Variants in COX19 observed in about 807,000 individuals in gnomAD.
COX19 encodes the protein cytochrome c oxidase assembly protein COX19.
In COX19, 8 loss-of-function variants were observed where a neutral mutation model predicts 6.8. The observed-to-expected ratio is 1.18, with a 90% CI of 0.69 to 2.12. COX19 has a LOEUF of 2.12. Ranked by LOEUF, COX19 falls within the 30% of genes most tolerant of loss-of-function variation. The pLI, the probability that COX19 is intolerant of heterozygous loss-of-function variation, is 0.00. For synonymous variants in COX19, 51 were observed against 38.0 expected (o/e 1.34, Z -1.26); for missense variants, 131 against 104.6 (o/e 1.25, Z -1.10).
At chr7:974,412 AGAGT>A (rs1245370811) in intron 1 of COX19, among the ~76,000 whole-genome samples, 1 of 152,202 alleles carries the variant, frequency 6.6e-6, no homozygotes, top group Non-Finnish European at 1.5e-5. Flanking sequence ...CCTAAGCAAC[AGAGT>A]GAGACCGTGT....
Position 965,015 on chromosome 7 carries a change from C to T in COX19, c.*4363G>A, listed in dbSNP as rs1583200355. 6.6e-6 allele frequency among the ~76,000 whole-genome samples: 1 copy of T among 152,206 alleles called. No homozygotes were observed. The highest frequency in any genetic ancestry group is 2.4e-5 in the African/African-American group (1 of 41,452). On this transcript the variant is annotated 3_prime_UTR_variant, in exon 3 of 3. Coordinates refer to ENST00000344111, the MANE Select transcript of COX19 (RefSeq NM_001031617.3). ...TCTGGATTCTTAAGCACAACACATT[C>T]AGCAGCCAGACCCAGAAACTCAAAG... is the stretch of plus-strand genomic sequence containing the variant.
chr7:967,840 T>C lies in COX19; in HGVS notation c.*1538A>G, dbSNP rs959691557. 2 of 152,308 alleles carry C rather than the reference T, an allele frequency of 1.3e-5. No individual in the cohort carries two copies. Among genetic ancestry groups the C allele is most frequent in the Non-Finnish European group, 2.9e-5 (2 of 68,046 alleles). The allele number at this position is 152,308 out of a possible 1,614,324, so 9.4% of individuals were successfully genotyped here. On this transcript the variant is annotated 3_prime_UTR_variant, in exon 3 of 3. Transcript: ENST00000344111. ...CACTTCACAGTAAGCTCACGCCATA[T>C]AGCCGCACTGCGTTGGCGAGCTCAT...
At position 966,242 on chromosome 7, in the gene COX19, A is replaced by C. The variant is rs766489603; in HGVS notation, c.*3136T>G. ...ACAATCACAGCTCACTGCAGACTTA[A>C]CCTCTGGCTCAAGTGATCCTCCTGC... On this transcript the variant is annotated 3_prime_UTR_variant, in exon 3 of 3. Transcript: ENST00000344111. The C allele has an allele frequency of 2.7e-5, 4 of 150,636 alleles. No individual in the cohort carries two copies. The East Asian group carries it at 7.8e-4, about 29-fold the overall frequency. 9.3% of individuals were successfully genotyped at this position (150,636 alleles called of 1,614,324 possible).
intron 2 of COX19, among the ~76,000 whole-genome samples, chr7:971,835 C>A (rs947666807): frequency 6.6e-6 from 1 of 152,122 alleles, no homozygotes; most frequent in South Asian, 2.1e-4. Flanking sequence ...CATGCCACTG[C>A]GCTCCAGCCC....
At chr7:974,041 A>G (rs1197519101) in intron 1 of COX19, among the ~76,000 whole-genome samples, 1 of 151,456 alleles carries the variant, frequency 6.6e-6, no homozygotes, top group Non-Finnish European at 1.5e-5. Flanking sequence ...TAAAAAAACA[A>G]TAATAATTAG....
chr7:971,278 C>A (rs1472476963), intron 2 of COX19, among the ~76,000 whole-genome samples: 2 of 152,218 alleles, frequency 1.3e-5, no homozygotes, highest in Admixed American at 1.3e-4. Flanking sequence ...TCACATCAGG[C>A]AAACATGGTC....
rs376042053 is a variant in COX19 at position 965,656 on chromosome 7, GT to G, written c.*3721del. Among the ~76,000 whole-genome samples the G allele has an allele frequency of 6.6e-5, 10 of 151,664 alleles. No individual in the cohort carries two copies. Among genetic ancestry groups the G allele is most frequent in the Admixed American group, 3.9e-4 (6 of 15,208 alleles). ...ACCACTCACTTCATGGCAACTGAGG[GT>G]TTTTTTTTGAGACGGTTCTGTCGCC... On this transcript the variant is annotated 3_prime_UTR_variant, in exon 3 of 3. Coordinates refer to ENST00000344111, the MANE Select transcript of COX19 (RefSeq NM_001031617.3).
intron 2 of COX19, among the ~76,000 whole-genome samples, chr7:971,198 C>G (rs1334971463): frequency 6.6e-6 from 1 of 152,208 alleles, no homozygotes. Flanking sequence ...GGACAGGACG[C>G]GAACTTCTAA....
At position 964,928 on chromosome 7, in the gene COX19, CAT is replaced by C. The variant is rs1390191425; in HGVS notation, c.*4448_*4449del. Among the ~76,000 whole-genome samples the C allele has an allele frequency of 1.3e-5, 2 of 152,246 alleles. No individual in the cohort carries two copies. The highest frequency in any genetic ancestry group is 1.9e-4 in the East Asian group (1 of 5,200). Reference sequence around the variant, plus strand: ...TATGAGAAATAAAATGCATTCTGCACATGACAGATGATGAACTACCCGAAATA... The same window carrying C: ...TATGAGAAATAAAATGCATTCTGCACGACAGATGATGAACTACCCGAAATA... On this transcript the variant is annotated 3_prime_UTR_variant, in exon 3 of 3. Coordinates refer to ENST00000344111, the MANE Select transcript of COX19 (RefSeq NM_001031617.3).
intron 2 of COX19, among the ~76,000 whole-genome samples, chr7:972,265 G>A (rs1326260849): frequency 2.6e-5 from 4 of 152,298 alleles, no homozygotes; most frequent in East Asian, 3.9e-4. Flanking sequence ...GAGCCTAAGC[G>A]ACAGCCCCAA....
chr7:970,430 G>A (rs1278121031), intron 2 of COX19, among the ~76,000 whole-genome samples: 5 of 148,654 alleles, frequency 3.4e-5, no homozygotes, highest in Non-Finnish European at 3.0e-5. Flanking sequence ...CACACTGCCC[G>A]GCCAGCTAAT....
At position 965,788 on chromosome 7, in the gene COX19, G is replaced by A. The variant is rs541541751; in HGVS notation, c.*3590C>T. Among the ~76,000 whole-genome samples, 3 of 152,234 alleles carry A rather than the reference G, an allele frequency of 2.0e-5. No individual in the cohort carries two copies. In the East Asian group the frequency reaches 5.8e-4, roughly 29 times the overall value. On this transcript the variant is annotated 3_prime_UTR_variant, in exon 3 of 3. Coordinates refer to ENST00000344111, the MANE Select transcript of COX19 (RefSeq NM_001031617.3). ...CCGAATAGCTGGATTACAGACACAC[G>A]CCACCAGCCCCAGCTAATTTTTGTA...
intron 1 of COX19, among the ~76,000 whole-genome samples, chr7:973,799 C>T (rs1847666970): frequency 6.6e-6 from 1 of 152,016 alleles, no homozygotes; most frequent in Non-Finnish European, 1.5e-5. Context: ...AACCCCATCT[C>T]TATTAAAAAT....
At chr7:974,831 T>C (rs1847682717) in intron 1 of COX19, 1 of 152,262 alleles carries the variant, frequency 6.6e-6, no homozygotes, top group African/African-American at 2.4e-5. Context: ...CTAATTTTTG[T>C]ATTTTTAGTA....
chr7:974,348 GA>G (rs1847674927), intron 1 of COX19, among the ~76,000 whole-genome samples: 1 of 151,334 alleles, frequency 6.6e-6, no homozygotes. Flanking sequence ...CCTGAGTCCA[GA>G]AAGGAAGGAG....
At position 969,237 on chromosome 7, in the gene COX19, C is replaced by T. The variant is rs947353077; in HGVS notation, c.*141G>A. 2.9e-5 allele frequency: 19 copies of T among 662,174 alleles called. No individual in the cohort carries two copies. Among genetic ancestry groups the T allele is most frequent in the East Asian group, 5.1e-5 (2 of 38,850 alleles). 41.0% of individuals were successfully genotyped at this position (662,174 alleles called of 1,614,324 possible). A position where few individuals can be genotyped will look rare whatever the true frequency, so the allele number is the denominator to read the frequency against. On this transcript the variant is annotated 3_prime_UTR_variant, in exon 3 of 3. Coordinates refer to ENST00000344111, the MANE Select transcript of COX19 (RefSeq NM_001031617.3). ...GGGACGCCACTCCCTACCCAGGAGA[C>T]GCCCCCACAGGGCTGGAGCTTCTAT...
In COX19 at chr7:975,472, T is replaced by A. The variant is rs1847693108; in HGVS notation, c.38A>T (p.Gln13Leu). The change falls in exon 1 of 3, where the codon CAG becomes CTG. Residue 13 changes from glutamine (Q) to leucine (L), a missense_variant. Transcript: ENST00000344111. ...TAMNFGTKSF[Q>L]PRPPDKGSFP... ...GCTGCCCTTGTCCGGGGGCCGCGGC[T>A]GGAAGCTCTTGGTCCCGAAATTCAT... The A allele has an allele frequency of 3.1e-6, 5 of 1,602,616 alleles. No individual in the cohort carries two copies. The South Asian group carries it at 4.5e-5, about 14-fold the overall frequency.
Position 969,327 on chromosome 7 carries a change from C to A in COX19, c.*51G>T. 1 of 1,168,838 alleles carries A rather than the reference C, an allele frequency of 8.6e-7. No homozygotes were observed. The highest frequency in any genetic ancestry group is 2.3e-5 in the East Asian group (1 of 42,876). The allele number at this position is 1,168,838 out of a possible 1,614,324, so 72.4% of individuals were successfully genotyped here. A position where few individuals can be genotyped will look rare whatever the true frequency, so the allele number is the denominator to read the frequency against. ...CCAACCTAAGAGGCAGGATGATGCC[C>A]TCCGTCCTGAGAGACCACTGAACAC... On this transcript the variant is annotated 3_prime_UTR_variant, in exon 3 of 3. Coordinates refer to ENST00000344111, the MANE Select transcript of COX19 (RefSeq NM_001031617.3).
chr7:968,171 TGAG>T lies in COX19; in HGVS notation c.*1204_*1206del, dbSNP rs1056134364. On this transcript the variant is annotated 3_prime_UTR_variant, in exon 3 of 3. Coordinates refer to ENST00000344111, the MANE Select transcript of COX19 (RefSeq NM_001031617.3). ...CAGCCGCAATAGGTACTCAGTTCTG[TGAG>T]GAGGGGAGGGACATGTTTAACCACG... 1 of 152,196 alleles carries T rather than the reference TGAG, an allele frequency of 6.6e-6. No homozygotes were observed. Among genetic ancestry groups the T allele is most frequent in the African/African-American group, 2.4e-5 (1 of 41,418 alleles). 9.4% of individuals were successfully genotyped at this position (152,196 alleles called of 1,614,324 possible).
Sources: gnomAD v4.1 joint callset for allele counts (sites outside exome capture counted in the v4.1 genomes callset) on GRCh38, gnomAD v4.1.1 for gene constraint, MANE v1.5 for transcripts, NCBI Gene and HGNC (gene_info 2026-07-23, HGNC 2026-07-21) for gene names.